HDGFL3: variants seen among roughly 807,000 people sequenced by gnomAD.
HDGFL3 encodes hepatoma-derived growth factor-related protein 3.
Under a neutral mutation model 27.6 loss-of-function variants are expected in HDGFL3, and 6 were observed. The observed-to-expected ratio is 0.22, with a 90% CI of 0.12 to 0.43. HDGFL3 has a LOEUF of 0.43. Ranked by LOEUF, HDGFL3 falls within the 20% of genes least tolerant of loss-of-function variation. The probability of loss-of-function intolerance (pLI) is 1.00; values close to 1 mark genes in which losing one functional copy is unlikely to be tolerated. For missense variants in HDGFL3, 207 were observed against 250.1 expected, an observed-to-expected ratio of 0.83 and a Z score of 1.16; for synonymous variants, 88 against 88.9, an observed-to-expected ratio of 0.99 and a Z score of 0.05.
chr15:83,189,407 T>C (rs1212755747), intron 1 of HDGFL3: 1 of 152,448 alleles, frequency 6.6e-6, no homozygotes, highest in Non-Finnish European at 1.5e-5. Flanking sequence ...GCTCGCTCAC[T>C]CTGCGCCTCA....
In HDGFL3 at chr15:83,133,118, C is replaced by T. The variant is rs2151384949; in HGVS notation, c.*6152G>A. ...GGTGGGTTCCACACCTCACCCGAGG[C>T]CATACGGCTGGTTTGTGGTGGAGCT... is the stretch of plus-strand genomic sequence containing the variant. On this transcript the variant is annotated 3_prime_UTR_variant, in exon 6 of 6. Transcript: ENST00000299633. The T allele has an allele frequency of 6.6e-6, 1 of 152,346 alleles. No homozygotes were observed. Among genetic ancestry groups the T allele is most frequent in the Non-Finnish European group, 1.5e-5 (1 of 68,038 alleles). 9.4% of individuals were successfully genotyped at this position (152,346 alleles called of 1,614,324 possible).
intron 1 of HDGFL3, chr15:83,186,192 G>A (rs1435869341): frequency 6.6e-6 from 1 of 152,212 alleles, no homozygotes; most frequent in Non-Finnish European, 1.5e-5. Flanking sequence ...CAGAAATCGT[G>A]ACTAAATGTG....
rs2036096822 is a variant in HDGFL3, at chr15:83,129,903, T to C, written c.*9367A>G. The C allele has an allele frequency of 6.6e-6, 1 of 152,312 alleles. No homozygotes were observed. The highest frequency in any genetic ancestry group is 1.5e-5 in the Non-Finnish European group (1 of 68,146). The allele number at this position is 152,312 out of a possible 1,614,324, so 9.4% of individuals were successfully genotyped here. On this transcript the variant is annotated 3_prime_UTR_variant, in exon 6 of 6. Transcript: ENST00000299633. ...GGTTCCTCTGCCTTATTCTCCTGTA[T>C]CCTTCAGAACAGATGGCCGCATACC...
At position 83,128,533 on chromosome 15, in the gene HDGFL3, G is replaced by A. The variant is rs986299261; in HGVS notation, c.*10737C>T. 3 of 152,070 alleles carry A rather than the reference G, an allele frequency of 2.0e-5. No homozygotes were observed. Among genetic ancestry groups the A allele is most frequent in the Non-Finnish European group, 4.4e-5 (3 of 68,022 alleles). 9.4% of individuals were successfully genotyped at this position (152,070 alleles called of 1,614,324 possible). On this transcript the variant is annotated 3_prime_UTR_variant, in exon 6 of 6. Coordinates refer to ENST00000299633, the MANE Select transcript of HDGFL3 (RefSeq NM_016073.4). ...CCTTGGGGTTTATTTCTGTATTTTA[G>A]GTCTTTATCTTTGTATCTTTCAATA...
chr15:83,114,190 G>A (rs1003322707), exon 4 of HDGFL3: 1 of 153,352 alleles, frequency 6.5e-6, no homozygotes. Flanking sequence ...CATGGAGCCT[G>A]TATTAACTGT....
intron 1 of HDGFL3, among the ~76,000 whole-genome samples, chr15:83,202,378 A>G (rs1200303000): frequency 6.6e-6 from 1 of 152,170 alleles, no homozygotes; most frequent in Non-Finnish European, 1.5e-5. Context: ...TATGATAAGC[A>G]GTGATTTAAT....
chr15:83,167,498 C>T (rs866301642), intron 1 of HDGFL3, among the ~76,000 whole-genome samples: 3 of 150,758 alleles, frequency 2.0e-5, no homozygotes, highest in African/African-American at 4.9e-5. Flanking sequence ...GCGGAGATTG[C>T]AGTCAGCCAA....
Position 83,151,868 on chromosome 15 carries a change from TA to T in HDGFL3, c.460-508del, listed in dbSNP as rs2036967681. Among the ~76,000 whole-genome samples the T allele has an allele frequency of 3.3e-5, 5 of 152,366 alleles. No homozygotes were observed. In the South Asian group the frequency reaches 1.0e-3, roughly 32 times the overall value. On this transcript the variant is annotated intron_variant, in intron 4 of 5. Coordinates refer to ENST00000299633, the MANE Select transcript of HDGFL3 (RefSeq NM_016073.4). Reference sequence around the variant, plus strand: ...AATGGGATACCCAGAATCATCTTGATAAAACTGTTTGATATAAACTAATCTT... The same window carrying T: ...AATGGGATACCCAGAATCATCTTGATAAACTGTTTGATATAAACTAATCTT...
intron 1 of HDGFL3, among the ~76,000 whole-genome samples, chr15:83,195,658 C>T (rs2037561181): frequency 6.6e-6 from 1 of 151,998 alleles, no homozygotes; most frequent in African/African-American, 2.4e-5. Flanking sequence ...CGTAGTTCTA[C>T]CTTCACATGG....
chr15:83,182,612 G>GA (rs894196113), intron 1 of HDGFL3, among the ~76,000 whole-genome samples: 2 of 151,906 alleles, frequency 1.3e-5, no homozygotes, highest in South Asian at 2.1e-4. Flanking sequence ...AATCTATGGT[G>GA]AAAAAAAATC....
rs562717300 is a variant in HDGFL3, at chr15:83,206,316, T to G, written c.84+1015A>C. On this transcript the variant is annotated intron_variant, in intron 1 of 5. Transcript: ENST00000299633. ...TATGCCAATTTTCTCCATGACTGTT[T>G]CCGTTCCTAAAGAATACCAATATAA... Among the ~76,000 whole-genome samples, 21 of 152,304 alleles carry G rather than the reference T, an allele frequency of 1.4e-4. 1 individual carries two copies. In the South Asian group the frequency reaches 4.4e-3, roughly 32 times the overall value.
intron 5 of HDGFL3, among the ~76,000 whole-genome samples, chr15:83,148,667 C>T (rs1341343890): frequency 1.3e-5 from 2 of 151,320 alleles, no homozygotes; most frequent in Non-Finnish European, 2.9e-5. Flanking sequence ...CTGGAAACAA[C>T]CCAACTGCCC....
At chr15:83,185,740 G>A (rs2037434009) in intron 1 of HDGFL3, among the ~76,000 whole-genome samples, 1 of 152,186 alleles carries the variant, frequency 6.6e-6, no homozygotes, top group Non-Finnish European at 1.5e-5. Context: ...AATGGCTTGT[G>A]TGATCCCCAC....
intron 1 of HDGFL3, among the ~76,000 whole-genome samples, chr15:83,189,194 C>T (rs2037481285): frequency 6.6e-6 from 1 of 152,086 alleles, no homozygotes; most frequent in Non-Finnish European, 1.5e-5. Flanking sequence ...TTCCCCTACT[C>T]CACCCCTCCC....
rs2036393386 is a variant in HDGFL3, at chr15:83,133,426, A to C, written c.*5844T>G. The C allele has an allele frequency of 6.6e-6, 1 of 152,244 alleles. No individual in the cohort carries two copies. The highest frequency in any genetic ancestry group is 1.5e-5 in the Non-Finnish European group (1 of 68,042). 9.4% of individuals were successfully genotyped at this position (152,244 alleles called of 1,614,324 possible). On this transcript the variant is annotated 3_prime_UTR_variant, in exon 6 of 6. Transcript: ENST00000299633. ...TACATGTAAGAAAACAGCTCTTAAA[A>C]TTTAACCTTTGTTCACCTTATTGTC...
At chr15:83,161,468 C>A (rs952086648) in intron 2 of HDGFL3, among the ~76,000 whole-genome samples, 3 of 152,194 alleles carry the variant, frequency 2.0e-5, no homozygotes, top group Non-Finnish European at 4.4e-5. Flanking sequence ...GCTGCCTATA[C>A]TGTAATAATG....
chr15:83,145,168 C>A (rs2036865269), intron 5 of HDGFL3, among the ~76,000 whole-genome samples: 1 of 152,040 alleles, frequency 6.6e-6, no homozygotes. Flanking sequence ...TATCATTATG[C>A]CCTTTATCCT....
chr15:83,113,065 G>T, exon 4 of HDGFL3: 1 of 634,364 alleles, frequency 1.6e-6, no homozygotes, highest in South Asian at 1.8e-5. Context: ...TCTGGCTATT[G>T]CCTCTCAGGC....
At chr15:83,123,506 T>C (rs1482244195), downstream of HDGFL3, among the ~76,000 whole-genome samples, 14 of 152,272 alleles carry the variant, frequency 9.2e-5, no homozygotes. Context: ...TAGCAAGATC[T>C]TTTAAGCAAA....
Sources: gnomAD v4.1 joint callset for allele counts (sites outside exome capture counted in the v4.1 genomes callset) on GRCh38, gnomAD v4.1.1 for gene constraint, MANE v1.5 for transcripts, NCBI Gene and HGNC (gene_info 2026-07-23, HGNC 2026-07-21) for gene names.